MATN2: variants seen among roughly 807,000 people sequenced by gnomAD.
The protein encoded by MATN2 is matrilin-2.
In MATN2, 69 loss-of-function variants were observed where a neutral mutation model predicts 103.2. The observed-to-expected ratio is 0.67, with a 90% confidence interval of 0.55 to 0.82. The LOEUF (loss-of-function observed/expected upper bound fraction) is 0.82, where lower values mean the gene tolerates loss of function less well. Ranked by LOEUF, MATN2 falls within the 40% of genes least tolerant of loss-of-function variation. The pLI is 0.00. For missense variants in MATN2, 1,023 were observed against 1,211.5 expected (o/e 0.84, Z 2.31); for synonymous variants, 429 against 450.2 (o/e 0.95, Z 0.60).
At chr8:97,953,195 G>A (rs942550375) in intron 4 of MATN2, among the ~76,000 whole-genome samples, 3 of 151,986 alleles carry the variant, frequency 2.0e-5, no homozygotes, top group South Asian at 2.1e-4. Context: ...GTGACCCATC[G>A]TGCCGGCCCA....
intron 4 of MATN2, among the ~76,000 whole-genome samples, chr8:97,960,729 T>C (rs964993433): frequency 1.3e-5 from 2 of 152,226 alleles, no homozygotes; most frequent in African/African-American, 2.4e-5. Context: ...TTCCTTCTTA[T>C]ACCAGCAACA....
intron 2 of MATN2, among the ~76,000 whole-genome samples, chr8:97,913,802 A>T (rs1009405529): frequency 1.3e-5 from 2 of 151,876 alleles, no homozygotes; most frequent in African/African-American, 4.8e-5. Flanking sequence ...CTTAGTACAG[A>T]TGGGGTTTTG....
At chr8:97,962,353 T>G (rs1409825497) in intron 5 of MATN2, among the ~76,000 whole-genome samples, 1 of 152,266 alleles carries the variant, frequency 6.6e-6, no homozygotes, top group Non-Finnish European at 1.5e-5. Flanking sequence ...TTTATTTTGC[T>G]TCGCACAAAC....
intron 5 of MATN2, among the ~76,000 whole-genome samples, chr8:97,971,972 G>T (rs1292428667): frequency 6.6e-6 from 1 of 151,860 alleles, no homozygotes; most frequent in Non-Finnish European, 1.5e-5. Context: ...AAGGCGGGCA[G>T]ATCTCTTGAG....
At chr8:97,888,021 C>A in intron 1 of MATN2, 54 bp from the exon 2 acceptor site, 1 of 1,543,962 alleles carries the variant, frequency 6.5e-7, no homozygotes, top group Non-Finnish European at 8.7e-7. Flanking sequence ...TCCTGGAGTT[C>A]AGGGAGACCC....
chr8:98,035,909 C>A lies in MATN2; in HGVS notation c.*197C>A, dbSNP rs1398629106. 9.9e-6 allele frequency: 4 copies of A among 404,290 alleles called. No individual in the cohort carries two copies. The highest frequency in any genetic ancestry group is 1.8e-5 in the Non-Finnish European group (4 of 226,474). 25.0% of individuals were successfully genotyped at this position (404,290 alleles called of 1,614,324 possible). A position where few individuals can be genotyped will look rare whatever the true frequency, so the allele number is the denominator to read the frequency against. On this transcript the variant is annotated 3_prime_UTR_variant, in exon 19 of 19. Transcript: ENST00000254898. Reference sequence around the variant, plus strand: ...GTATAAATTTATCTAGGAAAAAAATCCTTCAGAATTCTAAGATGAATTTAC... The same window carrying A: ...GTATAAATTTATCTAGGAAAAAAATACTTCAGAATTCTAAGATGAATTTAC...
chr8:97,878,588 G>A (rs1818155179), intron 1 of MATN2, among the ~76,000 whole-genome samples: 1 of 151,926 alleles, frequency 6.6e-6, no homozygotes, highest in African/African-American at 2.4e-5. Flanking sequence ...GGTCGCTCAT[G>A]CCTATAATCC....
At chr8:97,983,654 T>G (rs1373103625) in intron 6 of MATN2, among the ~76,000 whole-genome samples, 1 of 152,224 alleles carries the variant, frequency 6.6e-6, no homozygotes, top group Admixed American at 6.5e-5. Context: ...ATGTTGCCAT[T>G]TATTATTTTC....
chr8:97,942,942 G>C (rs1474677665), intron 4 of MATN2, among the ~76,000 whole-genome samples: 1 of 152,028 alleles, frequency 6.6e-6, no homozygotes, highest in Non-Finnish European at 1.5e-5. Flanking sequence ...CTCCGCTTCT[G>C]TGTGGCCTGT....
At chr8:97,996,808 C>T (rs1812602300) in intron 7 of MATN2, among the ~76,000 whole-genome samples, 1 of 152,186 alleles carries the variant, frequency 6.6e-6, no homozygotes, top group African/African-American at 2.4e-5. Context: ...TATTAGAAGC[C>T]TGAGGTCTCT....
rs556794482 is a variant in MATN2 at position 97,967,449 on chromosome 8, A to T, written c.958+5919A>T. Among the ~76,000 whole-genome samples the T allele has an allele frequency of 2.1e-4, 32 of 152,330 alleles. No homozygotes were observed. The South Asian group carries it at 5.8e-3, about 28-fold the overall frequency. ...ATGAGCCTGTGAGATTTAAAAAAAA[A>T]AAAAGAAAAAGTTTTTACTTCCAAG... On this transcript the variant is annotated intron_variant, in intron 5 of 18. Coordinates refer to ENST00000254898, the MANE Select transcript of MATN2 (RefSeq NM_002380.5).
At chr8:97,939,799 G>A (rs750248881) in intron 3 of MATN2, among the ~76,000 whole-genome samples, 4 of 152,202 alleles carry the variant, frequency 2.6e-5, no homozygotes, top group Non-Finnish European at 5.9e-5. Flanking sequence ...TGGAATCTGT[G>A]AAGAATGAGG....
Position 97,888,141 on chromosome 8 carries a change from G to C in MATN2, c.41G>C (p.Gly14Ala), listed in dbSNP as rs35804177. 1.1e-3 allele frequency: 1,808 copies of C among 1,609,544 alleles called. 23 individuals carry two copies. The African/African-American group carries it at 0.021, about 19-fold the overall frequency. Reference protein sequence around the residue: ...MLAGCFLLILGQIVLLPAEAR... With the variant: ...MLAGCFLLILAQIVLLPAEAR... ...GCAGGCTGCTTTCTGCTGATCCTCG[G>C]ACAGATCGTCCTCCTCCCTGCCGAG... is the stretch of plus-strand genomic sequence containing the variant. Residue 14 changes from glycine (G) to alanine (A), a missense_variant, in exon 2 of 19, where the codon GGA (glycine) becomes GCA (alanine). Coordinates refer to ENST00000254898, the MANE Select transcript of MATN2 (RefSeq NM_002380.5).
rs2130470542 is a variant in MATN2, at chr8:98,036,509, C to G, written c.*797C>G. On this transcript the variant is annotated 3_prime_UTR_variant, in exon 19 of 19. Coordinates refer to ENST00000254898, the MANE Select transcript of MATN2 (RefSeq NM_002380.5). ...TGAAAATGCACACAACCCTGTAAAT[C>G]TAGCAACTGCACTCAGTTGATTTCA... 1 of 152,304 alleles carries G rather than the reference C, an allele frequency of 6.6e-6. No homozygotes were observed. Among genetic ancestry groups the G allele is most frequent in the East Asian group, 1.9e-4 (1 of 5,188 alleles). 9.4% of individuals were successfully genotyped at this position (152,304 alleles called of 1,614,324 possible).
intron 6 of MATN2, among the ~76,000 whole-genome samples, chr8:97,994,190 GGGGGGAAGAGGGAAGA>G (rs1812492048): frequency 7.2e-6 from 1 of 139,436 alleles, no homozygotes; most frequent in Non-Finnish European, 1.5e-5. Context: ...GGAGGAGGGA[GGGGGGAAGAGGGAAGA>G]GGGGGAAGGG....
intron 7 of MATN2, among the ~76,000 whole-genome samples, chr8:98,000,473 T>G (rs1812741071): frequency 6.6e-6 from 1 of 151,588 alleles, no homozygotes; most frequent in African/African-American, 2.4e-5. Flanking sequence ...AGCGGGCACC[T>G]GTAGTCCCAG....
chr8:97,888,343 T>C, intron 2 of MATN2, 101 bp downstream of exon 2: 2 of 1,322,636 alleles, frequency 1.5e-6, no homozygotes, highest in Non-Finnish European at 1.9e-6. Flanking sequence ...TTCCTTTCCC[T>C]GGGTCCTTGT....
chr8:98,020,307 G>C (rs1029827540), intron 12 of MATN2, among the ~76,000 whole-genome samples: 3 of 151,972 alleles, frequency 2.0e-5, no homozygotes, highest in Non-Finnish European at 4.4e-5. Flanking sequence ...CACCACACCC[G>C]GTTAATTTTT....
At chr8:97,961,810 G>C (rs946382725) in intron 5 of MATN2, among the ~76,000 whole-genome samples, 1 of 152,138 alleles carries the variant, frequency 6.6e-6, no homozygotes, top group Non-Finnish European at 1.5e-5. Context: ...GAAAAGGATC[G>C]GGTGGATTTT....
Sources: allele counts gnomAD v4.1 joint callset (sites outside exome capture counted in the v4.1 genomes callset), GRCh38; gene constraint gnomAD v4.1.1; transcripts MANE v1.5; gene names NCBI Gene and HGNC (gene_info 2026-07-23, HGNC 2026-07-21).